The following TOX variants were observed in gnomAD, a reference collection of about 807,000 sequenced individuals.
TOX encodes the protein thymocyte selection-associated high mobility group box protein TOX.
Under a neutral mutation model 53.7 loss-of-function variants are expected in TOX, and 11 were observed. The observed-to-expected ratio is 0.20, with a 90% CI of 0.13 to 0.34. The LOEUF is 0.34. Among genes scored for constraint, TOX ranks in the 10% least tolerant of loss-of-function variants. TOX has a pLI of 1.00. For synonymous variants in TOX, 225 were observed against 245.3 expected, an observed-to-expected ratio of 0.92 and a Z score of 0.77; for missense variants, 570 against 664.6, an observed-to-expected ratio of 0.86 and a Z score of 1.56.
chr8:58,981,367 T>C (rs527977609), intron 1 of TOX, among the ~76,000 whole-genome samples: 50 of 152,204 alleles, frequency 3.3e-4, no homozygotes, highest in Non-Finnish European at 6.9e-4. Context: ...AAGCTTTTTC[T>C]ACAAGCCTCT....
chr8:58,886,217 C>T (rs1219727573), intron 3 of TOX, among the ~76,000 whole-genome samples: 1 of 152,116 alleles, frequency 6.6e-6, no homozygotes, highest in African/African-American at 2.4e-5. Context: ...ATGCTGGAAG[C>T]CCCAGCCTAC....
At chr8:59,108,681 CACACAT>C (rs1380069692) in intron 1 of TOX, among the ~76,000 whole-genome samples, 65 of 146,368 alleles carry the variant, frequency 4.4e-4, no homozygotes, top group African/African-American at 1.7e-3. Flanking sequence ...CACACACACA[CACACAT>C]ACACACACAA....
chr8:59,071,243 C>T (rs1804193066), intron 1 of TOX, among the ~76,000 whole-genome samples: 2 of 152,082 alleles, frequency 1.3e-5, no homozygotes, highest in Admixed American at 1.3e-4. Flanking sequence ...CAGAAGGCCT[C>T]AGGATGCCAA....
chr8:59,022,107 A>C (rs1814146554), intron 1 of TOX, among the ~76,000 whole-genome samples: 1 of 152,232 alleles, frequency 6.6e-6, no homozygotes. Flanking sequence ...CCCTGATTAA[A>C]TGCAGAAGGT....
intron 3 of TOX, among the ~76,000 whole-genome samples, chr8:58,922,608 A>G (rs1438718926): frequency 6.6e-6 from 1 of 152,230 alleles, no homozygotes; most frequent in African/African-American, 2.4e-5. Context: ...TACTAAGGGC[A>G]TGCCTTCTTC....
intron 7 of TOX, among the ~76,000 whole-genome samples, chr8:58,811,727 A>G (rs1364187087): frequency 6.6e-6 from 1 of 152,204 alleles, no homozygotes; most frequent in Non-Finnish European, 1.5e-5. Flanking sequence ...TTAAGGTTAT[A>G]AAGGAAGTTG....
intron 1 of TOX, among the ~76,000 whole-genome samples, chr8:59,081,917 A>G (rs1021113504): frequency 5.9e-5 from 9 of 152,228 alleles, no homozygotes; most frequent in African/African-American, 2.2e-4. Context: ...TTGTGAATAT[A>G]TATTTCTTCA....
At chr8:58,871,533 A>C (rs1051737756) in intron 3 of TOX, among the ~76,000 whole-genome samples, 9 of 152,206 alleles carry the variant, frequency 5.9e-5, no homozygotes, top group Non-Finnish European at 1.0e-4. Context: ...ATGCTGACTT[A>C]AGTAATTTTG....
At chr8:59,060,599 C>A (rs528443584) in intron 1 of TOX, among the ~76,000 whole-genome samples, 10 of 152,222 alleles carry the variant, frequency 6.6e-5, no homozygotes, top group Non-Finnish European at 1.3e-4. Context: ...TGCACTCCAG[C>A]CTGGGTGACA....
intron 6 of TOX, among the ~76,000 whole-genome samples, chr8:58,823,091 A>T (rs768807540): frequency 1.3e-5 from 2 of 152,226 alleles, no homozygotes; most frequent in African/African-American, 4.8e-5. Context: ...CAGGATTTCC[A>T]TTGGAAGTTA....
At chr8:58,873,667 G>T (rs535377620) in intron 3 of TOX, among the ~76,000 whole-genome samples, 2 of 152,052 alleles carry the variant, frequency 1.3e-5, no homozygotes, top group South Asian at 2.1e-4. Flanking sequence ...GAATGTTAAC[G>T]GGATGTTTTT....
chr8:58,866,388 T>C (rs957311478), intron 3 of TOX, among the ~76,000 whole-genome samples: 1 of 152,346 alleles, frequency 6.6e-6, no homozygotes, highest in East Asian at 1.9e-4. Flanking sequence ...ACCAGACTGA[T>C]AAGCCTCACA....
At chr8:59,072,850 C>A (rs1021482303) in intron 1 of TOX, among the ~76,000 whole-genome samples, 1 of 152,124 alleles carries the variant, frequency 6.6e-6, no homozygotes, top group Non-Finnish European at 1.5e-5. Context: ...ATTTTCTTTT[C>A]ACATTTTCAT....
chr8:59,005,088 G>C (rs1420637424), intron 1 of TOX, among the ~76,000 whole-genome samples: 1 of 150,994 alleles, frequency 6.6e-6, no homozygotes, highest in East Asian at 1.9e-4. Flanking sequence ...GCCCAGGCTA[G>C]AGTGCAGTGG....
intron 1 of TOX, among the ~76,000 whole-genome samples, chr8:59,097,455 T>A (rs899391683): frequency 2.6e-5 from 4 of 152,224 alleles, no homozygotes; most frequent in African/African-American, 9.6e-5. Flanking sequence ...TTAATCCTCA[T>A]TATAAATTCT....
chr8:58,902,385 C>T (rs1052708997), intron 3 of TOX, among the ~76,000 whole-genome samples: 1 of 152,100 alleles, frequency 6.6e-6, no homozygotes, highest in Admixed American at 6.6e-5. Flanking sequence ...AGTTCTAAAT[C>T]GGTGCCAGAT....
chr8:58,829,429 A>G (rs570793922), intron 5 of TOX, among the ~76,000 whole-genome samples: 166 of 152,338 alleles, frequency 1.1e-3, no homozygotes, highest in Admixed American at 1.9e-3. Flanking sequence ...AAGTGCCTAA[A>G]TACCACTTTA....
chr8:58,820,275 G>A (rs150774312), intron 6 of TOX, among the ~76,000 whole-genome samples: 4 of 115,706 alleles, frequency 3.5e-5, no homozygotes, highest in Admixed American at 7.8e-5. Flanking sequence ...TGTTCTGTAC[G>A]TTAAAAAAAA....
intron 2 of TOX, among the ~76,000 whole-genome samples, chr8:58,943,938 A>G (rs1812484532): frequency 6.6e-6 from 1 of 152,240 alleles, no homozygotes; most frequent in Non-Finnish European, 1.5e-5. Flanking sequence ...TTTTAATTTT[A>G]TCTTGAATCT....
Sources: gnomAD v4.1 joint callset for allele counts (sites outside exome capture counted in the v4.1 genomes callset) on GRCh38, gnomAD v4.1.1 for gene constraint, MANE v1.5 for transcripts, NCBI Gene and HGNC (gene_info 2026-07-23, HGNC 2026-07-21) for gene names.